The following GRM8 variants were observed in gnomAD, a reference collection of about 807,000 sequenced individuals.
GRM8 encodes the protein glutamate metabotropic receptor 8.
GRM8 carries 47 observed loss-of-function variants against 87.2 expected under a neutral mutation model. That is an observed-to-expected ratio of 0.54 (90% CI 0.43 to 0.69). The LOEUF is 0.69. GRM8 is among the 30% of genes least tolerant of loss of function. The pLI, the probability that GRM8 is intolerant of heterozygous loss-of-function variation, is 0.00. For synonymous variants in GRM8, 396 were observed against 404.5 expected (o/e 0.98, Z 0.25); for missense variants, 1,019 against 1,139.2 (o/e 0.89, Z 1.52).
At chr7:127,138,676 T>C (rs983175826) in intron 2 of GRM8, among the ~76,000 whole-genome samples, 1 of 152,006 alleles carries the variant, frequency 6.6e-6, no homozygotes, top group Non-Finnish European at 1.5e-5. Context: ...ATTTTAAAAA[T>C]TGTAACACAC....
At chr7:126,460,019 T>C (rs1399322749) in intron 9 of GRM8, among the ~76,000 whole-genome samples, 1 of 151,486 alleles carries the variant, frequency 6.6e-6, no homozygotes, top group African/African-American at 2.4e-5. Flanking sequence ...TCTGAGACAA[T>C]ATATAGGGAG....
chr7:126,957,243 C>T (rs1808795551), intron 3 of GRM8, among the ~76,000 whole-genome samples: 1 of 152,122 alleles, frequency 6.6e-6, no homozygotes, highest in Non-Finnish European at 1.5e-5. Flanking sequence ...AAGTCAAAAA[C>T]CTTTAATATA....
chr7:126,849,727 G>A (rs1386791989), intron 6 of GRM8, among the ~76,000 whole-genome samples: 2 of 151,988 alleles, frequency 1.3e-5, no homozygotes, highest in Non-Finnish European at 2.9e-5. Flanking sequence ...CAATTACAAG[G>A]GAAGGAACCT....
chr7:127,177,666 A>C (rs926587212), intron 2 of GRM8, among the ~76,000 whole-genome samples: 1 of 152,180 alleles, frequency 6.6e-6, no homozygotes, highest in Non-Finnish European at 1.5e-5. Flanking sequence ...GATGGTTCAC[A>C]TCACAGGGCT....
At chr7:127,120,836 C>A (rs557972881) in intron 2 of GRM8, among the ~76,000 whole-genome samples, 101 of 152,270 alleles carry the variant, frequency 6.6e-4, no homozygotes, top group African/African-American at 2.3e-3. Flanking sequence ...AAATATTCTG[C>A]ATCCAAATTT....
intron 9 of GRM8, among the ~76,000 whole-genome samples, chr7:126,508,149 C>A (rs1463618258): frequency 6.6e-6 from 1 of 151,828 alleles, no homozygotes; most frequent in Non-Finnish European, 1.5e-5. Context: ...CATTTTTATA[C>A]CTTTGTATAT....
intron 7 of GRM8, among the ~76,000 whole-genome samples, chr7:126,672,618 G>A (rs1203502913): frequency 2.0e-5 from 3 of 152,110 alleles, no homozygotes; most frequent in African/African-American, 7.2e-5. Context: ...CAAGCTCAGC[G>A]GGAAAGGAAC....
rs1321479268 is a variant in GRM8, at chr7:127,233,119, C to T, written c.510+9576G>A. 3.3e-5 allele frequency among the ~76,000 whole-genome samples: 5 copies of T among 152,194 alleles called. No individual in the cohort carries two copies. In the South Asian group the frequency reaches 6.2e-4, roughly 19 times the overall value. On this transcript the variant is annotated intron_variant, in intron 2 of 10. Coordinates refer to ENST00000339582, the MANE Select transcript of GRM8 (RefSeq NM_000845.3). ...TGCTGAGATTACAGGTGTGAGCCAC[C>T]GCACCCAGCCTGGGTTGTTTAACAG...
chr7:126,962,118 G>T (rs541437218), intron 3 of GRM8, among the ~76,000 whole-genome samples: 1 of 152,186 alleles, frequency 6.6e-6, no homozygotes, highest in East Asian at 1.9e-4. Flanking sequence ...AAAACTAACT[G>T]TCCTGCTCAG....
In GRM8 at chr7:126,788,420, A is replaced by ACAAAAAACAAAAAACAAAAAAC. The variant is rs1554492200; in HGVS notation, c.1157-18356_1157-18355insGTTTTTTGTTTTTTGTTTTTTG. ...GCAAGACTCCATCTCAAAAAAAAAA[A>ACAAAAAACAAAAAACAAAAAAC]AAACCCTTTCAGATATCTTTAACAT... is the stretch of plus-strand genomic sequence containing the variant. On this transcript the variant is annotated intron_variant, in intron 6 of 10. Coordinates refer to ENST00000339582, the MANE Select transcript of GRM8 (RefSeq NM_000845.3). Among the ~76,000 whole-genome samples, 11 of 81,134 alleles carry ACAAAAAACAAAAAACAAAAAAC rather than the reference A, an allele frequency of 1.4e-4. 1 individual carries two copies. Among genetic ancestry groups the ACAAAAAACAAAAAACAAAAAAC allele is most frequent in the African/African-American group, 4.6e-4 (10 of 21,824 alleles). 53.2% of individuals were successfully genotyped at this position (81,134 alleles called of 152,430 possible).
At chr7:126,470,286 C>A (rs1395482643) in intron 9 of GRM8, among the ~76,000 whole-genome samples, 1 of 150,772 alleles carries the variant, frequency 6.6e-6, no homozygotes, top group Non-Finnish European at 1.5e-5. Flanking sequence ...GGGTGCTGCA[C>A]CCATTAACTC....
At chr7:126,944,584 A>G (rs1178210655) in intron 3 of GRM8, among the ~76,000 whole-genome samples, 5 of 152,240 alleles carry the variant, frequency 3.3e-5, no homozygotes, top group Non-Finnish European at 1.5e-5. Context: ...GAGATTTGCC[A>G]GAATCCATCT....
chr7:127,004,016 C>T (rs1814009974), intron 3 of GRM8, among the ~76,000 whole-genome samples: 1 of 151,624 alleles, frequency 6.6e-6, no homozygotes. Flanking sequence ...TGGAGCCCTT[C>T]ATTCTCAGTA....
intron 7 of GRM8, among the ~76,000 whole-genome samples, chr7:126,718,262 G>GT (rs1341332496): frequency 5.3e-5 from 8 of 151,892 alleles, no homozygotes; most frequent in Non-Finnish European, 8.8e-5. Flanking sequence ...TAACTTCAGT[G>GT]TTTTTTTCTC....
intron 6 of GRM8, among the ~76,000 whole-genome samples, chr7:126,815,267 C>G (rs554082750): frequency 6.6e-6 from 1 of 152,096 alleles, no homozygotes; most frequent in Admixed American, 6.6e-5. Context: ...TATAAATCAT[C>G]AAGGCTGGAA....
intron 7 of GRM8, among the ~76,000 whole-genome samples, chr7:126,716,360 A>G (rs1379748535): frequency 6.6e-6 from 1 of 151,934 alleles, no homozygotes; most frequent in Non-Finnish European, 1.5e-5. Flanking sequence ...CCAGAGAAGT[A>G]TATTTGACAG....
chr7:126,988,273 G>A (rs1296333906), intron 3 of GRM8, among the ~76,000 whole-genome samples: 1 of 152,198 alleles, frequency 6.6e-6, no homozygotes, highest in Non-Finnish European at 1.5e-5. Context: ...CAGTTAAACA[G>A]AGGATTTAGA....
intron 6 of GRM8, among the ~76,000 whole-genome samples, chr7:126,794,677 C>T (rs1467503403): frequency 6.6e-6 from 1 of 152,046 alleles, no homozygotes; most frequent in Non-Finnish European, 1.5e-5. Flanking sequence ...AAAGAAATAG[C>T]AGTGCTTGTT....
intron 8 of GRM8, among the ~76,000 whole-genome samples, chr7:126,588,661 C>G (rs1796389052): frequency 6.6e-6 from 1 of 152,072 alleles, no homozygotes; most frequent in Non-Finnish European, 1.5e-5. Flanking sequence ...CTCAGACAGG[C>G]AGAGCAGCAT....
Sources: allele counts gnomAD v4.1 joint callset (sites outside exome capture counted in the v4.1 genomes callset), GRCh38; gene constraint gnomAD v4.1.1; transcripts MANE v1.5; gene names NCBI Gene and HGNC (gene_info 2026-07-23, HGNC 2026-07-21).